Variants in ADAMTS6 observed in about 807,000 individuals in gnomAD.
ADAMTS6 encodes the protein A disintegrin and metalloproteinase with thrombospondin motifs 6.
In ADAMTS6, 23 loss-of-function variants were observed where a neutral mutation model predicts 144.3. The observed-to-expected ratio is 0.16, with a 90% CI of 0.11 to 0.23. The LOEUF (loss-of-function observed/expected upper bound fraction) is 0.23, where lower values mean the gene tolerates loss of function less well. ADAMTS6 is among the 10% of genes least tolerant of loss of function. ADAMTS6 has a pLI of 1.00. For missense variants in ADAMTS6, 999 were observed against 1,379.6 expected, an observed-to-expected ratio of 0.72 and a Z score of 4.37; for synonymous variants, 444 against 457.5, an observed-to-expected ratio of 0.97 and a Z score of 0.38.
chr5:65,372,334 C>A (rs575104663), intron 7 of ADAMTS6, among the ~76,000 whole-genome samples: 1 of 151,654 alleles, frequency 6.6e-6, no homozygotes, highest in Non-Finnish European at 1.5e-5. Context: ...GAGTCAAGAC[C>A]CATCAGTGTG....
chr5:65,282,457 G>C (rs72760519), intron 11 of ADAMTS6, among the ~76,000 whole-genome samples: 10,349 of 152,026 alleles, frequency 0.068, 392 homozygotes, highest in Middle Eastern at 0.09. Context: ...TTTCTTATTA[G>C]ACTTAAAAAG....
chr5:65,202,881 G>A (rs1051040343), intron 20 of ADAMTS6, among the ~76,000 whole-genome samples: 3 of 151,962 alleles, frequency 2.0e-5, no homozygotes, highest in Non-Finnish European at 4.4e-5. Context: ...ATTCTTCTTT[G>A]TAAAATGAGG....
chr5:65,466,830 C>T (rs1307785000), intron 3 of ADAMTS6, among the ~76,000 whole-genome samples: 1 of 152,180 alleles, frequency 6.6e-6, no homozygotes, highest in Non-Finnish European at 1.5e-5. Flanking sequence ...ATCACGAGGT[C>T]AGGAGATCGA....
intron 9 of ADAMTS6, among the ~76,000 whole-genome samples, chr5:65,328,778 T>TG (rs58667010): frequency 0.28 from 41,599 of 150,708 alleles, 8,434 homozygotes; most frequent in African/African-American, 0.58. Flanking sequence ...TTTGCATGGG[T>TG]GGGGGCAGGG....
intron 24 of ADAMTS6, among the ~76,000 whole-genome samples, chr5:65,158,556 T>C (rs1465918808): frequency 6.7e-6 from 1 of 149,690 alleles, no homozygotes; most frequent in Non-Finnish European, 1.5e-5. Flanking sequence ...ATGAATAAAA[T>C]GGCATTTTGG....
chr5:65,298,876 T>C (rs1262331831), intron 10 of ADAMTS6, among the ~76,000 whole-genome samples: 4 of 152,134 alleles, frequency 2.6e-5, no homozygotes, highest in African/African-American at 9.6e-5. Flanking sequence ...TTTCAAAATA[T>C]ATGCTCTGGC....
chr5:65,299,934 CA>C lies in ADAMTS6; in HGVS notation c.1370+50del, dbSNP rs776191137. On this transcript the variant is annotated intron_variant, in intron 10 of 24. Coordinates refer to ENST00000381055, the MANE Select transcript of ADAMTS6 (RefSeq NM_197941.4). Reference sequence around the variant, plus strand: ...AAAGCACTACATGTTAGGCTTCTACCAGTGGCTTACTTCTGGAGCTATTTAT... The same window carrying C: ...AAAGCACTACATGTTAGGCTTCTACCGTGGCTTACTTCTGGAGCTATTTAT... 3.1e-5 allele frequency: 49 copies of C among 1,573,358 alleles called. No individual in the cohort carries two copies. In the African/African-American group the frequency reaches 5.8e-4, roughly 19 times the overall value.
chr5:65,221,334 T>C (rs1757311029), intron 18 of ADAMTS6, among the ~76,000 whole-genome samples: 1 of 152,158 alleles, frequency 6.6e-6, no homozygotes, highest in African/African-American at 2.4e-5. Flanking sequence ...CTACATGGAT[T>C]TTACATTTGA....
At chr5:65,419,834 G>A (rs786703) in intron 7 of ADAMTS6, among the ~76,000 whole-genome samples, 43,201 of 152,088 alleles carry the variant, frequency 0.28, 7,840 homozygotes, top group East Asian at 0.64. Context: ...TAGGGCTGGA[G>A]AGAATGGAGA....
chr5:65,369,873 A>G (rs889723949), intron 7 of ADAMTS6, among the ~76,000 whole-genome samples: 5 of 152,162 alleles, frequency 3.3e-5, no homozygotes, highest in African/African-American at 4.8e-5. Context: ...AATCATCTGA[A>G]GCAACAAAAG....
chr5:65,302,268 T>A lies in ADAMTS6; in HGVS notation c.1224-2137A>T, dbSNP rs180760126. Among the ~76,000 whole-genome samples, 500 of 140,254 alleles carry A rather than the reference T, an allele frequency of 3.6e-3. 3 individuals carry two copies. The highest frequency in any genetic ancestry group is 0.013 in the African/African-American group (475 of 36,102). 92.0% of individuals were successfully genotyped at this position (140,254 alleles called of 152,430 possible). ...ACATATACATTATTATATATTAATA[T>A]CTAAATTATATATAAAATATTAATA... On this transcript the variant is annotated intron_variant, in intron 9 of 24. Transcript: ENST00000381055.
intron 3 of ADAMTS6, among the ~76,000 whole-genome samples, chr5:65,462,309 T>C (rs1468547798): frequency 2.0e-5 from 3 of 152,180 alleles, no homozygotes; most frequent in Non-Finnish European, 4.4e-5. Context: ...ACTAAAGTCA[T>C]GCTGGTCTGT....
chr5:65,326,527 G>A (rs1254551908), intron 9 of ADAMTS6, among the ~76,000 whole-genome samples: 1 of 152,084 alleles, frequency 6.6e-6, no homozygotes, highest in African/African-American at 2.4e-5. Flanking sequence ...AGTAAACACT[G>A]GGTGCAAAAC....
At chr5:65,422,579 G>T (rs1184076821) in intron 7 of ADAMTS6, among the ~76,000 whole-genome samples, 1 of 151,988 alleles carries the variant, frequency 6.6e-6, no homozygotes, top group Non-Finnish European at 1.5e-5. Context: ...CCAATATCAT[G>T]CCACTGCACT....
chr5:65,476,464 T>G (rs565259306), intron 1 of ADAMTS6, among the ~76,000 whole-genome samples: 50 of 152,292 alleles, frequency 3.3e-4, no homozygotes, highest in Non-Finnish European at 5.4e-4. Flanking sequence ...AACTCACTGG[T>G]CAGATAGGTA....
chr5:65,481,429 A>C lies in ADAMTS6; in HGVS notation c.-366T>G, dbSNP rs1246526551. On this transcript the variant is annotated 5_prime_UTR_variant, in exon 1 of 25. Coordinates refer to ENST00000381055, the MANE Select transcript of ADAMTS6 (RefSeq NM_197941.4). The stretch of plus-strand genomic sequence containing the variant: ...ACTCACGTACTCCCTCTCCTCTCTA[A>C]CTTTTTTTAATTTTTTTTATTTTTT... The C allele has an allele frequency of 6.6e-6, 1 of 151,880 alleles. No individual in the cohort carries two copies. The highest frequency in any genetic ancestry group is 1.5e-5 in the Non-Finnish European group (1 of 67,986). The allele number at this position is 151,880 out of a possible 1,614,324, so 9.4% of individuals were successfully genotyped here.
chr5:65,320,819 T>C (rs978728777), intron 9 of ADAMTS6, among the ~76,000 whole-genome samples: 2 of 152,170 alleles, frequency 1.3e-5, no homozygotes, highest in South Asian at 2.1e-4. Flanking sequence ...TCTGTTCCTA[T>C]GTTAGTTTGC....
rs768528095 is a variant in ADAMTS6, at chr5:65,260,674, A to G, written c.1767-11T>C. 2 of 1,611,014 alleles carry G rather than the reference A, an allele frequency of 1.2e-6. No individual in the cohort carries two copies. The highest frequency in any genetic ancestry group is 3.3e-5 in the Admixed American group (2 of 59,980). On this transcript the variant is annotated splice_polypyrimidine_tract_variant and intron_variant, in intron 13 of 24. Transcript: ENST00000381055. The stretch of plus-strand genomic sequence containing the variant: ...CCACCTCCTGAAGGTCTGAAAAAAC[A>G]TTGTGTTTAAAATGTGAATACTAAT...
At chr5:65,358,377 G>T (rs570449314) in intron 7 of ADAMTS6, among the ~76,000 whole-genome samples, 2 of 152,012 alleles carry the variant, frequency 1.3e-5, no homozygotes, top group East Asian at 3.9e-4. Context: ...GTGGGGAAAA[G>T]GTGAAGGTTT....
Sources: gnomAD v4.1 joint callset for allele counts (sites outside exome capture counted in the v4.1 genomes callset) on GRCh38, gnomAD v4.1.1 for gene constraint, MANE v1.5 for transcripts, NCBI Gene and HGNC (gene_info 2026-07-23, HGNC 2026-07-21) for gene names.